The following VPS54 variants were observed in gnomAD, a reference collection of about 807,000 sequenced individuals.
VPS54 encodes the protein VPS54 subunit of GARP complex, also known as vacuolar protein sorting-associated protein 54.
VPS54 carries 45 observed loss-of-function variants against 121.5 expected under a neutral mutation model. The ratio of observed to expected loss-of-function variants is 0.37; its 90% CI spans 0.29 to 0.47. The LOEUF (loss-of-function observed/expected upper bound fraction) is 0.47, where lower values mean the gene tolerates loss of function less well. VPS54 is among the 20% of genes least tolerant of loss of function. The probability of loss-of-function intolerance (pLI) is 0.99; values close to 1 mark genes in which losing one functional copy is unlikely to be tolerated. For missense variants in VPS54, 1,090 were observed against 1,131.4 expected (o/e 0.96, Z 0.52); for synonymous variants, 371 against 385.8 (o/e 0.96, Z 0.45).
chr2:63,964,993 A>T (rs917104061), intron 6 of VPS54, among the ~76,000 whole-genome samples: 11 of 152,224 alleles, frequency 7.2e-5, no homozygotes, highest in Admixed American at 5.9e-4. Context: ...CTGGACTATG[A>T]CATTGTAAAA....
At chr2:63,995,151 C>G (rs1677521055) in intron 1 of VPS54, among the ~76,000 whole-genome samples, 1 of 152,228 alleles carries the variant, frequency 6.6e-6, no homozygotes. Flanking sequence ...GTTGTCCCTG[C>G]TACCGTCCCC....
At chr2:63,984,808 G>GT (rs1227689829) in intron 1 of VPS54, among the ~76,000 whole-genome samples, 1 of 152,166 alleles carries the variant, frequency 6.6e-6, no homozygotes, top group Non-Finnish European at 1.5e-5. Context: ...ACAGGGTCAG[G>GT]TAAGACTTTA....
At chr2:63,909,430 T>C (rs1673040318) in intron 20 of VPS54, among the ~76,000 whole-genome samples, 2 of 140,418 alleles carry the variant, frequency 1.4e-5, no homozygotes, top group South Asian at 2.4e-4. Context: ...TTTTTTTTTT[T>C]TTTTTTTTTG....
At chr2:63,978,383 C>G (rs954191866) in intron 3 of VPS54, among the ~76,000 whole-genome samples, 2 of 152,192 alleles carry the variant, frequency 1.3e-5, no homozygotes, top group African/African-American at 4.8e-5. Context: ...GGTACCCACT[C>G]TCAGATTTCA....
intron 22 of VPS54, among the ~76,000 whole-genome samples, chr2:63,894,454 C>T (rs1243879597): frequency 6.6e-6 from 1 of 152,096 alleles, no homozygotes; most frequent in Non-Finnish European, 1.5e-5. Flanking sequence ...GTAATCCCAG[C>T]ACTTGGGGAG....
chr2:63,944,633 T>C lies in VPS54; in HGVS notation c.1268A>G (p.Gln423Arg). The change falls in exon 10 of 23, where the codon CAA becomes CGA. Residue 423 changes from glutamine to arginine, a missense_variant. This residue lies in a region of VPS54 where 801 missense variants were observed against 757.0 expected (regional missense o/e 1.06). Transcript: ENST00000272322. ...IKQCVINKVSQTEEIDTDVVV... is the reference protein window; with the variant it reads ...IKQCVINKVSRTEEIDTDVVV... Reference sequence around the variant, plus strand: ...AACATCTGTGTCTATTTCTTCTGTTTGTGAAACTTTATTAATCACACACTG... The same window carrying C: ...AACATCTGTGTCTATTTCTTCTGTTCGTGAAACTTTATTAATCACACACTG... 2 of 1,610,188 alleles carry C rather than the reference T, an allele frequency of 1.2e-6. No individual in the cohort carries two copies. Among genetic ancestry groups the C allele is most frequent in the Non-Finnish European group, 1.7e-6 (2 of 1,178,560 alleles).
chr2:63,914,187 A>C lies in VPS54; in HGVS notation c.2329T>G (p.Leu777Val), dbSNP rs1298277320. 6.2e-7 allele frequency: 1 copy of C among 1,612,338 alleles called. No homozygotes were observed. Among genetic ancestry groups the C allele is most frequent in the Non-Finnish European group, 8.5e-7 (1 of 1,178,938 alleles). ...TDMLTRLSDL[L>V]KYFNSRSCQL... ...TGGAGTGAAGTCATACATACCTTCAATAAATCTGACAGACGAGTAAGCATG... is the reference window on the plus strand; with the variant it reads ...TGGAGTGAAGTCATACATACCTTCACTAAATCTGACAGACGAGTAAGCATG... Residue 777 changes from leucine (L) to valine (V), a missense_variant, in exon 17 of 23, where the codon TTG (leucine) becomes GTG (valine). This residue lies in a region of VPS54 where 289 missense variants were observed against 374.4 expected (regional missense o/e 0.77). Coordinates refer to ENST00000272322, the MANE Select transcript of VPS54 (RefSeq NM_016516.3).
chr2:63,982,219 T>C lies in VPS54; in HGVS notation c.137-332A>G, dbSNP rs184352999. ...TCTTTTTTTTTCAACATCAGAACTATGCTGCTTTCTATTATGTATTTTCTA... is the reference window on the plus strand; with the variant it reads ...TCTTTTTTTTTCAACATCAGAACTACGCTGCTTTCTATTATGTATTTTCTA... On this transcript the variant is annotated intron_variant, in intron 2 of 22. Transcript: ENST00000272322. Among the ~76,000 whole-genome samples, 4 of 152,272 alleles carry C rather than the reference T, an allele frequency of 2.6e-5. No homozygotes were observed. The East Asian group carries it at 7.7e-4, about 29-fold the overall frequency.
chr2:63,914,045 C>A, intron 17 of VPS54, 137 bp downstream of exon 17: 2 of 1,008,778 alleles, frequency 2.0e-6, no homozygotes, highest in South Asian at 1.6e-5. Context: ...TGTTGTGATT[C>A]AACCACAATC....
intron 12 of VPS54, among the ~76,000 whole-genome samples, chr2:63,923,036 G>T (rs1673716781): frequency 1.3e-5 from 2 of 151,754 alleles, no homozygotes; most frequent in Non-Finnish European, 2.9e-5. Flanking sequence ...TTTGGGGCTG[G>T]GGCGCGGTGG....
chr2:63,966,534 G>A (rs1485406879), intron 5 of VPS54, among the ~76,000 whole-genome samples: 1 of 152,100 alleles, frequency 6.6e-6, no homozygotes, highest in Non-Finnish European at 1.5e-5. Flanking sequence ...CTGCTTTCCT[G>A]TATCTCCACA....
intron 18 of VPS54, 106 bp from the exon 19 acceptor site, chr2:63,912,767 A>T (rs2302809): frequency 0.76 from 1,048,968 of 1,378,496 alleles, 407,419 homozygotes; most frequent in African/African-American, 0.9. Flanking sequence ...CTTATAAAGA[A>T]CCAGTTTATT....
intron 21 of VPS54, among the ~76,000 whole-genome samples, chr2:63,897,990 T>C (rs1672516007): frequency 6.6e-6 from 1 of 152,212 alleles, no homozygotes; most frequent in Admixed American, 6.5e-5. Flanking sequence ...TGTTCTTGCA[T>C]GCAATGACCC....
At chr2:63,933,574 T>A in intron 12 of VPS54, 99 bp downstream of exon 12, 1 of 1,139,388 alleles carries the variant, frequency 8.8e-7, no homozygotes, top group Non-Finnish European at 1.2e-6. Flanking sequence ...AATTCTAAAA[T>A]TTACATGGTT....
chr2:63,912,735 T>A (rs1181319006), intron 18 of VPS54, 74 bp from the exon 19 acceptor site: 1 of 1,495,390 alleles, frequency 6.7e-7, no homozygotes, highest in African/African-American at 1.5e-5. Context: ...TAATTACAAA[T>A]CAAATCAAAT....
At chr2:63,977,244 T>C (rs954335084) in intron 3 of VPS54, among the ~76,000 whole-genome samples, 13 of 152,260 alleles carry the variant, frequency 8.5e-5, no homozygotes, top group Non-Finnish European at 1.3e-4. Flanking sequence ...CCCTGATTTC[T>C]GCTCTAATTT....
At chr2:63,987,133 A>C (rs140673175) in intron 1 of VPS54, among the ~76,000 whole-genome samples, 6 of 152,184 alleles carry the variant, frequency 3.9e-5, no homozygotes, top group Non-Finnish European at 5.9e-5. Flanking sequence ...TTATTCAAGA[A>C]ATCCTTGCTC....
At chr2:63,957,249 T>C (rs1389768557) in intron 7 of VPS54, among the ~76,000 whole-genome samples, 1 of 152,040 alleles carries the variant, frequency 6.6e-6, no homozygotes, top group Non-Finnish European at 1.5e-5. Flanking sequence ...GAGGCCATCC[T>C]GGCTAACACG....
Position 63,914,281 on chromosome 2 carries a change from T to C in VPS54, c.2235A>G (p.Val745=), listed in dbSNP as rs1158306333. ...EGQQYAVVGT[V]LLLIRIILEY... is the part of the protein sequence containing the mutation. ...CAAGGATAATTCTTATTAACAGCAA[T>C]ACGGTTCTACAAGAAAAGAAAAATG... Residue 745 remains valine, a synonymous_variant, in exon 17 of 23, where the codon GTA becomes GTG. Coordinates refer to ENST00000272322, the MANE Select transcript of VPS54 (RefSeq NM_016516.3). 6.2e-7 allele frequency: 1 copy of C among 1,605,292 alleles called. No homozygotes were observed. Among genetic ancestry groups the C allele is most frequent in the Admixed American group, 1.7e-5 (1 of 57,984 alleles).
Sources: gnomAD v4.1 joint callset for allele counts (sites outside exome capture counted in the v4.1 genomes callset) on GRCh38, gnomAD v4.1.1 for gene constraint, gnomAD v4.1.1 regional missense constraint, MANE v1.5 for transcripts, NCBI Gene and HGNC (gene_info 2026-07-23, HGNC 2026-07-21) for gene names.